The following CTNNA2 variants were observed in gnomAD, a reference collection of about 807,000 sequenced individuals.
The protein encoded by CTNNA2 is catenin alpha 2, also known as catenin alpha-2.
Under a neutral mutation model 101.0 loss-of-function variants are expected in CTNNA2, and 42 were observed. That is an observed-to-expected ratio of 0.42 (90% CI 0.32 to 0.54). CTNNA2 has a LOEUF of 0.54. Ranked by LOEUF, CTNNA2 falls within the 20% of genes least tolerant of loss-of-function variation. The pLI, the probability that CTNNA2 is intolerant of heterozygous loss-of-function variation, is 0.14. For missense variants in CTNNA2, 871 were observed against 1,223.1 expected, an observed-to-expected ratio of 0.71 and a Z score of 4.29; for synonymous variants, 450 against 456.4, an observed-to-expected ratio of 0.99 and a Z score of 0.18.
chr2:79,281,103 T>C (rs1675367486), intron 2 of CTNNA2, among the ~76,000 whole-genome samples: 1 of 151,956 alleles, frequency 6.6e-6, no homozygotes, highest in Non-Finnish European at 1.5e-5. Context: ...CACATCCTCA[T>C]CTCAAGATAT....
chr2:79,452,102 C>A (rs926279593), intron 4 of CTNNA2, among the ~76,000 whole-genome samples: 1 of 152,062 alleles, frequency 6.6e-6, no homozygotes, highest in African/African-American at 2.4e-5. Context: ...GGCTACTTAA[C>A]AACATTAAAT....
chr2:80,625,297 T>G (rs1671567136), intron 18 of CTNNA2, among the ~76,000 whole-genome samples: 1 of 151,968 alleles, frequency 6.6e-6, no homozygotes, highest in Non-Finnish European at 1.5e-5. Context: ...TACATTAACA[T>G]AAACTGAAGG....
At chr2:79,375,401 C>G (rs1013873584) in intron 4 of CTNNA2, among the ~76,000 whole-genome samples, 1 of 152,122 alleles carries the variant, frequency 6.6e-6, no homozygotes, top group African/African-American at 2.4e-5. Flanking sequence ...AGTATAAGAG[C>G]TTTTCGCCAT....
chr2:79,346,599 T>C (rs1479847657), intron 3 of CTNNA2, among the ~76,000 whole-genome samples: 1 of 152,164 alleles, frequency 6.6e-6, no homozygotes. Flanking sequence ...CATCTGTAGG[T>C]CTTCAGCCCA....
chr2:80,459,546 G>T (rs547695087), intron 9 of CTNNA2, among the ~76,000 whole-genome samples: 1 of 152,188 alleles, frequency 6.6e-6, no homozygotes, highest in Non-Finnish European at 1.5e-5. Context: ...AGAAGCCAGG[G>T]AAAAAATGCC....
At chr2:80,481,478 A>G (rs936924196) in intron 9 of CTNNA2, among the ~76,000 whole-genome samples, 13 of 152,150 alleles carry the variant, frequency 8.5e-5, no homozygotes, top group Non-Finnish European at 1.5e-4. Context: ...GACAGGTATT[A>G]TTAGTATGAA....
At chr2:79,814,323 G>A (rs1452251059) in intron 3 of CTNNA2, among the ~76,000 whole-genome samples, 1 of 151,884 alleles carries the variant, frequency 6.6e-6, no homozygotes, top group African/African-American at 2.4e-5. Flanking sequence ...TGAGATTTTG[G>A]TGCACCCTGC....
intron 15 of CTNNA2, among the ~76,000 whole-genome samples, chr2:80,596,570 T>C (rs565441047): frequency 5.3e-5 from 8 of 151,814 alleles, no homozygotes; most frequent in African/African-American, 1.5e-4. Context: ...CCTTGGCCTC[T>C]CAAAGTGCTG....
chr2:79,484,954 C>A (rs182785046), intron 4 of CTNNA2, among the ~76,000 whole-genome samples: 65 of 152,250 alleles, frequency 4.3e-4, no homozygotes, highest in Admixed American at 3.9e-3. Context: ...ATTCTAAAAC[C>A]TTTACCAGCC....
In CTNNA2 at chr2:80,280,431, C is replaced by T. The variant is rs139269939; in HGVS notation, c.1057-112780C>T. On this transcript the variant is annotated intron_variant, in intron 7 of 18. Coordinates refer to ENST00000402739, the MANE Select transcript of CTNNA2 (RefSeq NM_001282597.3). ...ATACAGCAAAAACATAGGCACCTAC[C>T]CTTGATTTGAGCCCTTTAGAGAATG... Among the ~76,000 whole-genome samples the T allele has an allele frequency of 8.6e-5, 13 of 151,666 alleles. No individual in the cohort carries two copies. The East Asian group carries it at 2.6e-3, about 31-fold the overall frequency.
intron 3 of CTNNA2, among the ~76,000 whole-genome samples, chr2:79,313,710 G>A (rs1214682624): frequency 6.6e-6 from 1 of 152,138 alleles, no homozygotes. Flanking sequence ...ACAGAAACAT[G>A]CAGGTCTGTC....
intron 4 of CTNNA2, among the ~76,000 whole-genome samples, chr2:79,466,607 G>A (rs560596928): frequency 2.0e-5 from 3 of 152,328 alleles, no homozygotes; most frequent in South Asian, 2.1e-4. Flanking sequence ...CCCCTGAGTA[G>A]CCTAACTGGG....
At chr2:80,055,824 G>A (rs1697181465) in intron 7 of CTNNA2, among the ~76,000 whole-genome samples, 1 of 152,074 alleles carries the variant, frequency 6.6e-6, no homozygotes, top group African/African-American at 2.4e-5. Flanking sequence ...CTTCAGTGCA[G>A]CTGACTAAGC....
chr2:79,463,834 G>A (rs185495640), intron 4 of CTNNA2, among the ~76,000 whole-genome samples: 7 of 152,166 alleles, frequency 4.6e-5, no homozygotes, highest in Admixed American at 2.0e-4. Context: ...GCACTCTAGC[G>A]CCACTTATTA....
intron 7 of CTNNA2, among the ~76,000 whole-genome samples, chr2:80,104,206 G>A (rs1181950843): frequency 2.6e-5 from 4 of 152,218 alleles, no homozygotes; most frequent in Non-Finnish European, 4.4e-5. Flanking sequence ...CCGCTCAAGA[G>A]TTGGTTCTCC....
rs558376274 is a variant in CTNNA2, at chr2:79,390,020, T to C, written c.-135+16007T>C. ...ATCAGCCACCAGCAAAACCATTCTT[T>C]CTCTCTCAACTCTTGGAAGTGCACC... On this transcript the variant is annotated intron_variant, in intron 4 of 21. Transcript: ENST00000466387. 1.4e-4 allele frequency among the ~76,000 whole-genome samples: 21 copies of C among 152,282 alleles called. No homozygotes were observed. In the South Asian group the frequency reaches 4.4e-3, roughly 32 times the overall value.
intron 4 of CTNNA2, among the ~76,000 whole-genome samples, chr2:79,867,822 CT>C (rs1201207387): frequency 6.6e-6 from 1 of 152,130 alleles, no homozygotes; most frequent in Non-Finnish European, 1.5e-5. Flanking sequence ...TTATTGTGCT[CT>C]TCCCTGGAAC....
chr2:79,352,902 C>T (rs550911304), intron 3 of CTNNA2, among the ~76,000 whole-genome samples: 14 of 152,146 alleles, frequency 9.2e-5, no homozygotes, highest in South Asian at 8.3e-4. Flanking sequence ...ACAATCATGG[C>T]GAAAGGCAAA....
intron 4 of CTNNA2, among the ~76,000 whole-genome samples, chr2:79,435,144 T>A (rs1678699764): frequency 6.6e-6 from 1 of 151,974 alleles, no homozygotes; most frequent in African/African-American, 2.4e-5. Flanking sequence ...GAGAGAACAG[T>A]GAAAGGTGCA....
Sources: gnomAD v4.1 joint callset for allele counts (sites outside exome capture counted in the v4.1 genomes callset) on GRCh38, gnomAD v4.1.1 for gene constraint, MANE v1.5 for transcripts, NCBI Gene and HGNC (gene_info 2026-07-23, HGNC 2026-07-21) for gene names.